DGKI: variants seen among roughly 807,000 people sequenced by gnomAD.
DGKI encodes the protein DAG kinase iota.
Under a neutral mutation model 147.5 loss-of-function variants are expected in DGKI, and 55 were observed. The ratio of observed to expected loss-of-function variants is 0.37; its 90% CI spans 0.30 to 0.47. The LOEUF (loss-of-function observed/expected upper bound fraction) is 0.47. Among genes scored for constraint, DGKI ranks in the 20% least tolerant of loss-of-function variants. DGKI has a pLI of 1.00. For missense variants in DGKI, 1,007 were observed against 1,323.8 expected (o/e 0.76, Z 3.71); for synonymous variants, 469 against 477.1 (o/e 0.98, Z 0.22).
chr7:137,769,143 T>G (rs547905945), intron 1 of DGKI, among the ~76,000 whole-genome samples: 1 of 152,298 alleles, frequency 6.6e-6, no homozygotes, highest in South Asian at 2.1e-4. Context: ...GATAATAATC[T>G]CTTGCTGCTT....
chr7:137,570,925 T>C (rs1001908179), intron 19 of DGKI, among the ~76,000 whole-genome samples: 1 of 152,172 alleles, frequency 6.6e-6, no homozygotes, highest in East Asian at 1.9e-4. Context: ...AAACTTTTCA[T>C]TCTGTTAGAA....
At chr7:137,722,809 GT>G (rs1484438386) in intron 1 of DGKI, 2 of 1,291,380 alleles carry the variant, frequency 1.5e-6, no homozygotes, top group Non-Finnish European at 2.2e-6. Context: ...GTGATCTGTG[GT>G]TGCCCTGACG....
intron 1 of DGKI, among the ~76,000 whole-genome samples, chr7:137,827,167 T>C (rs1440666239): frequency 2.0e-5 from 3 of 152,088 alleles, no homozygotes; most frequent in Non-Finnish European, 2.9e-5. Flanking sequence ...CAGGAATGAC[T>C]TGCAGCTATA....
At chr7:137,742,023 T>C (rs563171781) in intron 1 of DGKI, among the ~76,000 whole-genome samples, 1 of 152,220 alleles carries the variant, frequency 6.6e-6, no homozygotes, top group Non-Finnish European at 1.5e-5. Flanking sequence ...ACGTCCTTAG[T>C]GCCTGACTCC....
At chr7:137,563,116 A>T (rs10242747) in intron 19 of DGKI, among the ~76,000 whole-genome samples, 8,785 of 152,108 alleles carry the variant, frequency 0.058, 605 homozygotes, top group African/African-American at 0.17. Flanking sequence ...GATTTTTAAA[A>T]ATTAATGAAA....
Position 137,519,532 on chromosome 7 carries a change from C to T in DGKI, c.2248+2334G>A, listed in dbSNP as rs558248014. 4.6e-5 allele frequency among the ~76,000 whole-genome samples: 7 copies of T among 152,160 alleles called. No individual in the cohort carries two copies. The East Asian group carries it at 5.8e-4, about 13-fold the overall frequency. On this transcript the variant is annotated intron_variant, in intron 21 of 32. Coordinates refer to ENST00000614521, the MANE Select transcript of DGKI (RefSeq NM_001321708.2). ...ACTCTCTTTGTTCTGGGATGCAGGTCAGAGTACATTCCTAGAGTCCCTTTT... is the reference window on the plus strand; with the variant it reads ...ACTCTCTTTGTTCTGGGATGCAGGTTAGAGTACATTCCTAGAGTCCCTTTT...
chr7:137,676,781 A>T (rs1370099745), intron 3 of DGKI, among the ~76,000 whole-genome samples: 2 of 152,188 alleles, frequency 1.3e-5, no homozygotes, highest in East Asian at 3.9e-4. Context: ...AACAAGTAAT[A>T]ATCATTCAGT....
rs1490214114 is a variant in DGKI, at chr7:137,397,429, G to A, written c.2921-16C>T. The stretch of plus-strand genomic sequence containing the variant: ...TCGGAAGGTCCTAAATAAGAAGAAA[G>A]CAAGATGACCGTCAAAAATAAGCTC... On this transcript the variant is annotated splice_polypyrimidine_tract_variant and intron_variant, in intron 30 of 32. Coordinates refer to ENST00000614521, the MANE Select transcript of DGKI (RefSeq NM_001321708.2). The A allele has an allele frequency of 1.2e-6, 2 of 1,609,934 alleles. No homozygotes were observed. The highest frequency in any genetic ancestry group is 2.2e-5 in the East Asian group (1 of 44,792).
chr7:137,676,549 C>T (rs970270041), intron 3 of DGKI, among the ~76,000 whole-genome samples: 3 of 152,154 alleles, frequency 2.0e-5, no homozygotes, highest in Non-Finnish European at 4.4e-5. Context: ...CTTCAGCTTC[C>T]TCACTGATTT....
At chr7:137,495,335 C>T (rs1413032996) in intron 21 of DGKI, among the ~76,000 whole-genome samples, 2 of 149,912 alleles carry the variant, frequency 1.3e-5, no homozygotes, top group Admixed American at 1.3e-4. Flanking sequence ...CAGGGCTAGA[C>T]AAATTCACAG....
At chr7:137,440,509 C>A (rs965294030) in intron 28 of DGKI, among the ~76,000 whole-genome samples, 1 of 152,158 alleles carries the variant, frequency 6.6e-6, no homozygotes, top group Non-Finnish European at 1.5e-5. Flanking sequence ...TCAATCATGT[C>A]TTTGGTTTTC....
chr7:137,615,850 G>A (rs1820513445), intron 8 of DGKI, among the ~76,000 whole-genome samples: 1 of 152,048 alleles, frequency 6.6e-6, no homozygotes, highest in African/African-American at 2.4e-5. Context: ...CAATAGAAGA[G>A]TTTAATTGTT....
chr7:137,468,315 CTA>C (rs35259000), intron 24 of DGKI, among the ~76,000 whole-genome samples: 17,296 of 152,114 alleles, frequency 0.11, 1,109 homozygotes, highest in African/African-American at 0.18. Context: ...TTTATTAAAA[CTA>C]TGGAGTAAAA....
intron 1 of DGKI, among the ~76,000 whole-genome samples, chr7:137,809,857 T>C (rs541976229): frequency 7.3e-5 from 11 of 151,410 alleles, no homozygotes; most frequent in African/African-American, 2.7e-4. Context: ...TGAGCCATGA[T>C]CGCACCACTG....
chr7:137,729,078 C>T (rs1412062716), intron 1 of DGKI, among the ~76,000 whole-genome samples: 2 of 151,802 alleles, frequency 1.3e-5, no homozygotes, highest in African/African-American at 4.8e-5. Context: ...GATGGCTGTT[C>T]ATAAGGAATT....
intron 1 of DGKI, among the ~76,000 whole-genome samples, chr7:137,760,564 G>A (rs1013164334): frequency 7.2e-5 from 11 of 152,048 alleles, no homozygotes; most frequent in African/African-American, 1.5e-4. Flanking sequence ...TTCTGTTCCC[G>A]AATGGAAAAG....
intron 23 of DGKI, among the ~76,000 whole-genome samples, chr7:137,480,531 C>T (rs900895474): frequency 6.6e-6 from 1 of 151,634 alleles, no homozygotes; most frequent in African/African-American, 2.4e-5. Context: ...GAAGAGCAGG[C>T]ATGTAGGAAC....
chr7:137,421,979 C>A (rs1585097846), intron 28 of DGKI, among the ~76,000 whole-genome samples: 1 of 152,184 alleles, frequency 6.6e-6, no homozygotes, highest in South Asian at 2.1e-4. Context: ...ATCTTCAAAT[C>A]TCTTTGTAAA....
chr7:137,831,396 G>A (rs1271943633), intron 1 of DGKI, among the ~76,000 whole-genome samples: 1 of 152,204 alleles, frequency 6.6e-6, no homozygotes, highest in African/African-American at 2.4e-5. Context: ...CCACGTGGTT[G>A]GGGAGGCCTC....
Sources: allele counts gnomAD v4.1 joint callset (sites outside exome capture counted in the v4.1 genomes callset), GRCh38; gene constraint gnomAD v4.1.1; transcripts MANE v1.5; gene names NCBI Gene and HGNC (gene_info 2026-07-23, HGNC 2026-07-21).